ANXA8: variants seen among roughly 807,000 people sequenced by gnomAD.
ANXA8 encodes the protein annexin A8.
In ANXA8, 9 loss-of-function variants were observed where a neutral mutation model predicts 26.8. The observed-to-expected ratio is 0.34, with a 90% CI of 0.20 to 0.59. The LOEUF is 0.59. Among genes scored for constraint, ANXA8 ranks in the 20% least tolerant of loss-of-function variants. The pLI is 0.84. For missense variants in ANXA8, 83 were observed against 238.5 expected (o/e 0.35, Z 4.29); for synonymous variants, 39 against 94.8 (o/e 0.41, Z 3.42).
the ANXA8 span, chr10:47,589,314 C>T: frequency 6.8e-6 from 1 of 147,214 alleles, no homozygotes; most frequent in Non-Finnish European, 1.5e-5. Context: ...TCCTTTAAAG[C>T]TCAGTTAAAG....
chr10:47,473,994 G>A lies in ANXA8; in HGVS notation c.718C>T (p.Leu240=). 3 of 536,154 alleles carry A rather than the reference G, an allele frequency of 5.6e-6. No homozygotes were observed. The highest frequency in any genetic ancestry group is 4.1e-5 in the South Asian group (2 of 48,288). 33.2% of individuals were successfully genotyped at this position (536,154 alleles called of 1,614,324 possible). A position where few individuals can be genotyped will look rare whatever the true frequency, so the allele number is the denominator to read the frequency against. The change falls in exon 9 of 12, where the codon CTG becomes TTG. Residue 240 remains leucine, a synonymous_variant. Coordinates refer to ENST00000585281, the MANE Select transcript of ANXA8 (RefSeq NM_001040084.3). ...DSIKSETHGS[L]EEAMLTVVKC... ...CCCACAGTGAGCATGGCCTCCTCCA[G>A]TGAGCCATGGGTCTCACTCTTGATG...
chr10:47,587,911 G>A, the ANXA8 span, among the ~76,000 whole-genome samples: 1 of 146,144 alleles, frequency 6.8e-6, no homozygotes, highest in East Asian at 1.9e-4. Context: ...TGTGAACTGG[G>A]GTGACCCTGT....
At chr10:47,689,898 C>T in the ANXA8 span, 5 of 1,283,932 alleles carry the variant, frequency 3.9e-6, no homozygotes, top group South Asian at 6.2e-5. Flanking sequence ...ACTATGAAGT[C>T]CCAGATTCTA....
Position 47,484,011 on chromosome 10 carries a change from G to A in ANXA8, c.-78C>T. 2.5e-6 allele frequency: 4 copies of A among 1,611,614 alleles called. No individual in the cohort carries two copies. The highest frequency in any genetic ancestry group is 4.5e-4 in the Middle Eastern group (2 of 4,428). The stretch of plus-strand genomic sequence containing the variant: ...CCTCTGCTGGGACTCCACACGTCTG[G>A]CTCCTGCAGCTGAGGAGTGAGCAGG... On this transcript the variant is annotated 5_prime_UTR_variant, in exon 1 of 12. Transcript: ENST00000585281.
chr10:47,758,053 G>GAA, the ANXA8 span: 2 of 1,295,350 alleles, frequency 1.5e-6, no homozygotes, highest in African/African-American at 3.6e-5. Flanking sequence ...GGTAGACGGA[G>GAA]AACTTCAGCA....
the ANXA8 span, among the ~76,000 whole-genome samples, chr10:47,694,968 A>G: frequency 6.6e-6 from 1 of 151,804 alleles, no homozygotes; most frequent in Non-Finnish European, 1.5e-5. Context: ...GGAAGGAGCC[A>G]GGAGGCCAGG....
chr10:47,564,529 G>C, the ANXA8 span: 1 of 586,330 alleles, frequency 1.7e-6, no homozygotes, highest in Non-Finnish European at 3.0e-6. Context: ...TATGACCAGA[G>C]CACGCGGCCG....
chr10:47,706,355 A>G, the ANXA8 span: 1 of 567,854 alleles, frequency 1.8e-6, no homozygotes, highest in African/African-American at 2.3e-5. Context: ...CAGTAAATGG[A>G]CAAGAATATC....
At chr10:47,489,393 A>T in the ANXA8 span, among the ~76,000 whole-genome samples, 22,477 of 142,648 alleles carry the variant, frequency 0.16, 1,848 homozygotes, top group East Asian at 0.47. Flanking sequence ...AGAGAGAACC[A>T]TCTAGACAGT....
the ANXA8 span, among the ~76,000 whole-genome samples, chr10:47,959,034 G>A: frequency 6.7e-6 from 1 of 149,898 alleles, no homozygotes; most frequent in Non-Finnish European, 1.5e-5. Context: ...AGGGCTGGGG[G>A]AGGGCCGGGG....
chr10:47,743,004 A>AG, the ANXA8 span, among the ~76,000 whole-genome samples: 1 of 143,206 alleles, frequency 7.0e-6, no homozygotes, highest in East Asian at 2.1e-4. Context: ...AAAAAAAAAA[A>AG]AAAAAAAATA....
chr10:47,564,368 C>A, the ANXA8 span: 1 of 749,858 alleles, frequency 1.3e-6, no homozygotes, highest in African/African-American at 2.4e-5. Context: ...TCCTGGAGTA[C>A]AACAGCTGGC....
the ANXA8 span, among the ~76,000 whole-genome samples, chr10:47,544,201 C>A: frequency 4.8e-3 from 721 of 151,462 alleles, no homozygotes; most frequent in African/African-American, 0.017. Context: ...CTAAACATCT[C>A]ATAATTAATT....
At chr10:47,949,588 A>T in the ANXA8 span, among the ~76,000 whole-genome samples, 1 of 148,324 alleles carries the variant, frequency 6.7e-6, no homozygotes, top group Non-Finnish European at 1.5e-5. Flanking sequence ...GGCTTATAAC[A>T]TATTAAAGCA....
At chr10:47,505,374 G>A in the ANXA8 span, among the ~76,000 whole-genome samples, 1 of 87,652 alleles carries the variant, frequency 1.1e-5, no homozygotes, top group African/African-American at 4.2e-5. Flanking sequence ...TCCCCTACAG[G>A]TAAAAAACAT....
At chr10:47,951,681 T>C in the ANXA8 span, among the ~76,000 whole-genome samples, 1 of 149,928 alleles carries the variant, frequency 6.7e-6, no homozygotes, top group Admixed American at 6.6e-5. Context: ...TGTGGTGGTG[T>C]ACGCATGTAA....
chr10:47,535,166 G>C, the ANXA8 span, among the ~76,000 whole-genome samples: 1 of 127,316 alleles, frequency 7.9e-6, no homozygotes, highest in Non-Finnish European at 1.6e-5. Flanking sequence ...TAGAGACAGG[G>C]TTTCACCATG....
At chr10:47,597,010 C>A in the ANXA8 span, among the ~76,000 whole-genome samples, 2 of 149,038 alleles carry the variant, frequency 1.3e-5, no homozygotes, top group Admixed American at 6.6e-5. Context: ...AAATCCTCAA[C>A]AAAGTACTTG....
the ANXA8 span, among the ~76,000 whole-genome samples, chr10:47,615,411 G>T: frequency 4.3e-5 from 3 of 70,172 alleles, no homozygotes; most frequent in African/African-American, 1.2e-4. Flanking sequence ...TCACATAAGA[G>T]AAATTATTGT....
Sources: gnomAD v4.1 joint callset for allele counts (sites outside exome capture counted in the v4.1 genomes callset) on GRCh38, gnomAD v4.1.1 for gene constraint, MANE v1.5 for transcripts, NCBI Gene and HGNC (gene_info 2026-07-23, HGNC 2026-07-21) for gene names.